JAK2: variants seen among roughly 807,000 people sequenced by gnomAD.
JAK2 encodes Janus kinase 2.
A neutral mutation model predicts 139.3 loss-of-function variants in JAK2; 86 were observed. The observed-to-expected ratio is 0.62, with a 90% CI of 0.52 to 0.74. JAK2 has a LOEUF of 0.74. JAK2 is among the 30% of genes least tolerant of loss of function. The probability of loss-of-function intolerance (pLI) is 0.00; values close to 1 mark genes in which losing one functional copy is unlikely to be tolerated. For missense variants in JAK2, 1,421 were observed against 1,360.3 expected (o/e 1.04, Z -0.70); for synonymous variants, 490 against 437.7 (o/e 1.12, Z -1.49).
intron 23 of JAK2, among the ~76,000 whole-genome samples, chr9:5,123,347 C>G (rs1181119240): frequency 1.3e-5 from 2 of 151,934 alleles, no homozygotes; most frequent in African/African-American, 2.4e-5. Context: ...GTCTATCATT[C>G]CACATTCTAC....
chr9:5,089,132 T>A (rs890045801), intron 19 of JAK2, among the ~76,000 whole-genome samples: 1 of 152,224 alleles, frequency 6.6e-6, no homozygotes, highest in East Asian at 1.9e-4. Flanking sequence ...TTTGAAGTAA[T>A]TTATATTTCA....
intron 22 of JAK2, chr9:5,108,201 A>G (rs930367867): frequency 6.6e-6 from 1 of 152,104 alleles, no homozygotes; most frequent in African/African-American, 2.4e-5. Flanking sequence ...AAAAAGCTCT[A>G]TATTTCTATA....
In JAK2 at chr9:5,072,711, G is replaced by A. The variant is rs376122941; in HGVS notation, c.1776+85G>A. On this transcript the variant is annotated intron_variant, in intron 13 of 24. Transcript: ENST00000381652. ...TGCATACAACGTACTCATGTGTGCA[G>A]CTTTTCAAAATTGTAATTTTTAAAT... 3.9e-6 allele frequency: 4 copies of A among 1,030,654 alleles called. No individual in the cohort carries two copies. The African/African-American group carries it at 4.9e-5, about 13-fold the overall frequency. 63.8% of individuals were successfully genotyped at this position (1,030,654 alleles called of 1,614,324 possible). A position where few individuals can be genotyped will look rare whatever the true frequency, so the allele number is the denominator to read the frequency against.
chr9:5,103,164 G>T (rs1406975447), intron 22 of JAK2, among the ~76,000 whole-genome samples: 2 of 121,390 alleles, frequency 1.6e-5, no homozygotes, highest in Middle Eastern at 6.4e-3. Flanking sequence ...CATGTGCAGA[G>T]AAACACATGG....
chr9:5,118,508 C>T (rs1394750411), intron 22 of JAK2, among the ~76,000 whole-genome samples: 4 of 152,130 alleles, frequency 2.6e-5, no homozygotes, highest in African/African-American at 9.7e-5. Flanking sequence ...ATGTAAATAA[C>T]AAATTTGGAT....
chr9:5,012,118 G>A (rs1391659726), intron 2 of JAK2, among the ~76,000 whole-genome samples: 2 of 152,044 alleles, frequency 1.3e-5, no homozygotes, highest in East Asian at 1.9e-4. Flanking sequence ...CTCAATTTTT[G>A]GCTTTTCTAG....
At chr9:5,031,877 G>A (rs959818496) in intron 4 of JAK2, among the ~76,000 whole-genome samples, 1 of 152,214 alleles carries the variant, frequency 6.6e-6, no homozygotes, top group Admixed American at 6.5e-5. Context: ...GAGGTGTACC[G>A]GGTTCGTCTC....
chr9:4,984,700 G>T (rs1819837662), upstream of JAK2: 1 of 152,442 alleles, frequency 6.6e-6, no homozygotes, highest in Non-Finnish European at 1.5e-5. Context: ...GTGCGGGAGG[G>T]GAGTCTCCGC....
At position 5,073,138 on chromosome 9, in the gene JAK2, G is replaced by T. The variant is rs148858951; in HGVS notation, c.1776+512G>T. On this transcript the variant is annotated intron_variant, in intron 13 of 24. Transcript: ENST00000381652. The stretch of plus-strand genomic sequence containing the variant: ...TTAAAGGGTGTTGGTGTTAGAAGAT[G>T]ATGTGAAAAGTTCAAGCCAAAGAGT... Among the ~76,000 whole-genome samples the T allele has an allele frequency of 8.6e-3, 1,307 of 152,268 alleles. 22 individuals carry two copies. Among genetic ancestry groups the T allele is most frequent in the Non-Finnish European group, 0.011 (754 of 68,012 alleles).
At chr9:4,989,948 G>C (rs1352353372) in intron 2 of JAK2, among the ~76,000 whole-genome samples, 1 of 152,198 alleles carries the variant, frequency 6.6e-6, no homozygotes, top group Non-Finnish European at 1.5e-5. Context: ...GTTTTGAATT[G>C]AGAAAGAGTT....
intron 22 of JAK2, among the ~76,000 whole-genome samples, chr9:5,115,203 TAAAC>T (rs752683993): frequency 3.9e-5 from 6 of 151,960 alleles, no homozygotes; most frequent in African/African-American, 1.2e-4. Flanking sequence ...ACAAAGAACT[TAAAC>T]AAGTTCACAA....
chr9:5,074,360 G>A (rs575805039), intron 14 of JAK2, among the ~76,000 whole-genome samples: 1 of 151,968 alleles, frequency 6.6e-6, no homozygotes, highest in South Asian at 2.1e-4. Context: ...GAAGGTTTAC[G>A]GCAACCCAGT....
At chr9:5,063,278 C>A (rs968507490) in intron 8 of JAK2, among the ~76,000 whole-genome samples, 3 of 152,138 alleles carry the variant, frequency 2.0e-5, no homozygotes, top group Admixed American at 6.5e-5. Flanking sequence ...TCATTTTCTA[C>A]AAGAACTCTG....
chr9:5,076,547 G>A (rs549553482), intron 14 of JAK2, among the ~76,000 whole-genome samples: 24 of 152,012 alleles, frequency 1.6e-4, no homozygotes, highest in Non-Finnish European at 2.9e-4. Flanking sequence ...AAGATATAAC[G>A]CTGTTGCACA....
At chr9:5,013,707 A>C (rs1426137834) in intron 2 of JAK2, among the ~76,000 whole-genome samples, 1 of 152,122 alleles carries the variant, frequency 6.6e-6, no homozygotes, top group Non-Finnish European at 1.5e-5. Flanking sequence ...GTTGTGTGAA[A>C]CTTCTAAAAC....
chr9:5,033,390 C>T (rs546303615), intron 4 of JAK2, among the ~76,000 whole-genome samples: 24 of 152,210 alleles, frequency 1.6e-4, no homozygotes, highest in South Asian at 1.0e-3. Flanking sequence ...ATAGAGAGAA[C>T]GCCACAAAGA....
At chr9:4,985,840 A>G (rs1015243830) in intron 1 of JAK2, 100 bp from the exon 2 acceptor site, 2 of 152,464 alleles carry the variant, frequency 1.3e-5, no homozygotes, top group African/African-American at 4.8e-5. Flanking sequence ...CCGCCTCCTT[A>G]TTCCTTTTTA....
intron 19 of JAK2, among the ~76,000 whole-genome samples, chr9:5,088,017 G>A (rs1271236426): frequency 1.3e-5 from 2 of 152,150 alleles, no homozygotes; most frequent in African/African-American, 4.8e-5. Flanking sequence ...TAAGTAGAGG[G>A]GAAGAAGATA....
At chr9:5,104,640 G>A (rs6476940) in intron 22 of JAK2, among the ~76,000 whole-genome samples, 58,625 of 152,054 alleles carry the variant, frequency 0.39, 15,192 homozygotes, top group African/African-American at 0.75. Context: ...CCTGATGAAC[G>A]TCGATGTGAA....
Sources: gnomAD v4.1 joint callset for allele counts (sites outside exome capture counted in the v4.1 genomes callset) on GRCh38, gnomAD v4.1.1 for gene constraint, MANE v1.5 for transcripts, NCBI Gene and HGNC (gene_info 2026-07-23, HGNC 2026-07-21) for gene names.